The following PRR18 variants were observed in gnomAD, a reference collection of about 807,000 sequenced individuals.
PRR18 encodes the protein proline rich 18, also known as proline-rich protein 18.
For missense variants in PRR18, 517 were observed against 437.4 expected (o/e 1.18, Z -1.62); for synonymous variants, 228 against 220.2 (o/e 1.04, Z -0.32).
rs1355814634 is a variant in PRR18 at position 166,307,527 on chromosome 6, G to C, written c.616C>G (p.Arg206Gly). The C allele has an allele frequency of 9.8e-6, 12 of 1,223,604 alleles. No individual in the cohort carries two copies. The East Asian group carries it at 4.0e-4, about 41-fold the overall frequency. 75.8% of individuals were successfully genotyped at this position (1,223,604 alleles called of 1,614,324 possible). ...DAPPTAGQGR[R>G]APPPGAQLLH... is the part of the protein sequence containing the mutation. ...AGCTGGGCGCCGGGCGGAGGCGCGC[G>C]GCGGCCCTGGCCGGCGGTGGGGGGT... is the stretch of plus-strand genomic sequence containing the variant. The change falls in exon 1 of 1, where the codon CGC (arginine) becomes GGC (glycine). Residue 206 changes from arginine (R) to glycine (G), a missense_variant. Transcript: ENST00000322583.
chr6:166,306,999 C>T lies in PRR18; in HGVS notation c.*256G>A, dbSNP rs889136218. The T allele has an allele frequency of 9.8e-6, 4 of 409,018 alleles. No individual in the cohort carries two copies. Among genetic ancestry groups the T allele is most frequent in the South Asian group, 7.6e-5 (1 of 13,186 alleles). The allele number at this position is 409,018 out of a possible 1,614,324, so 25.3% of individuals were successfully genotyped here. A position where few individuals can be genotyped will look rare whatever the true frequency, so the allele number is the denominator to read the frequency against. ...GAGGAGGCCAGAGTGGGGGCAGAGG[C>T]AGGCATCTGGGGTAGATACCACCGG... is the stretch of plus-strand genomic sequence containing the variant. On this transcript the variant is annotated 3_prime_UTR_variant, in exon 1 of 1. Coordinates refer to ENST00000322583, the MANE Select transcript of PRR18 (RefSeq NM_175922.4).
Position 166,308,373 on chromosome 6 carries a change from C to T in PRR18, c.-231G>A. ...CTCCCGGGACTGGACCCTGCAGGAA[C>T]CGCCTCCCGCCGTCCGACTGTGGGC... On this transcript the variant is annotated 5_prime_UTR_variant, in exon 1 of 1. Transcript: ENST00000322583. The T allele has an allele frequency of 2.7e-6, 1 of 369,688 alleles. No homozygotes were observed. The allele number at this position is 369,688 out of a possible 1,614,324, so 22.9% of individuals were successfully genotyped here.
Position 166,308,125 on chromosome 6 carries a change from CA to C in PRR18, c.17del (p.Met6SerfsTer132). ...CCGGGGCGGGGGCGGGCGGCGGCGG[CA>C]TGGGCGGGAAGGGCATAGTGCAGCC... MPFPP[M>X]PPPPAPAPGA... On this transcript the variant is annotated frameshift_variant, in exon 1 of 1. Coordinates refer to ENST00000322583, the MANE Select transcript of PRR18 (RefSeq NM_175922.4). LOFTEE classifies it low-confidence loss of function (END_TRUNC). The C allele has an allele frequency of 8.1e-7, 1 of 1,230,430 alleles. No individual in the cohort carries two copies. Among genetic ancestry groups the C allele is most frequent in the Non-Finnish European group, 1.0e-6 (1 of 985,548 alleles). The allele number at this position is 1,230,430 out of a possible 1,614,324, so 76.2% of individuals were successfully genotyped here. A position where few individuals can be genotyped will look rare whatever the true frequency, so the allele number is the denominator to read the frequency against.
chr6:166,307,241 C>A lies in PRR18; in HGVS notation c.*14G>T. On this transcript the variant is annotated 3_prime_UTR_variant, in exon 1 of 1. Transcript: ENST00000322583. ...TGGGATCAGGCCTGGCCTGTCCCCG[C>A]AGGCCCGCTGGGCTCACAGCGTGCT... is the stretch of plus-strand genomic sequence containing the variant. The A allele has an allele frequency of 6.9e-7, 1 of 1,449,278 alleles. No individual in the cohort carries two copies. Among genetic ancestry groups the A allele is most frequent in the South Asian group, 1.4e-5 (1 of 69,936 alleles). 89.8% of individuals were successfully genotyped at this position (1,449,278 alleles called of 1,614,324 possible).
In PRR18 at chr6:166,308,340, T is replaced by C; in HGVS notation, c.-198A>G. ...AGGCGCTCCCACCCTCCCCTCCTCC[T>C]GGGGGTGCTCCCGGGACTGGACCCT... is the stretch of plus-strand genomic sequence containing the variant. On this transcript the variant is annotated 5_prime_UTR_variant, in exon 1 of 1. Transcript: ENST00000322583. The C allele has an allele frequency of 2.2e-6, 1 of 445,124 alleles. No individual in the cohort carries two copies. The highest frequency in any genetic ancestry group is 3.6e-6 in the Non-Finnish European group (1 of 275,596). 27.6% of individuals were successfully genotyped at this position (445,124 alleles called of 1,614,324 possible).
Position 166,307,394 on chromosome 6 carries a change from T to C in PRR18, c.749A>G (p.Glu250Gly), listed in dbSNP as rs1472767479. 3.2e-6 allele frequency: 5 copies of C among 1,576,874 alleles called. No homozygotes were observed. Among genetic ancestry groups the C allele is most frequent in the African/African-American group, 1.4e-5 (1 of 71,756 alleles). ...LNERHRYDDV[E>G]YEEEPEAVDE... ...CACCGCCTCTGGCTCCTCCTCGTAC[T>C]CCACGTCGTCGTACCTGTGCCGCTC... Residue 250 changes from glutamate to glycine, a missense_variant, in exon 1 of 1, where the codon GAG becomes GGG. Physicochemically the swap from Glu to Gly is moderately conservative, Grantham distance 98 (BLOSUM62 -2). Transcript: ENST00000322583.
rs944947813 is a variant in PRR18, at chr6:166,308,207, C to T, written c.-65G>A. The T allele has an allele frequency of 7.4e-6, 9 of 1,221,982 alleles. No individual in the cohort carries two copies. The highest frequency in any genetic ancestry group is 7.1e-6 in the Non-Finnish European group (7 of 979,204). The allele number at this position is 1,221,982 out of a possible 1,614,324, so 75.7% of individuals were successfully genotyped here. A position where few individuals can be genotyped will look rare whatever the true frequency, so the allele number is the denominator to read the frequency against. On this transcript the variant is annotated 5_prime_UTR_variant, in exon 1 of 1. Coordinates refer to ENST00000322583, the MANE Select transcript of PRR18 (RefSeq NM_175922.4). ...GAGGCGGGCGCTCAGCCACTGTGCGCGGAGCGGGTCCCCGCAGTCCGGGCG... is the reference window on the plus strand; with the variant it reads ...GAGGCGGGCGCTCAGCCACTGTGCGTGGAGCGGGTCCCCGCAGTCCGGGCG...
rs1341996213 is a variant in PRR18, at chr6:166,307,964, C to A, written c.179G>T (p.Arg60Leu). Residue 60 changes from arginine to leucine, a missense_variant, in exon 1 of 1, where the codon CGC (arginine) becomes CTC (leucine). Coordinates refer to ENST00000322583, the MANE Select transcript of PRR18 (RefSeq NM_175922.4). The part of the protein sequence containing the change: ...SATLKRPPAR[R>L]GPGLDRTQPP... ...CTGCGTCCTGTCCAGGCCGGGGCCGCGCCGGGCCGGCGGCCTCTTGAGCGT... is the reference window on the plus strand; with the variant it reads ...CTGCGTCCTGTCCAGGCCGGGGCCGAGCCGGGCCGGCGGCCTCTTGAGCGT... 1.6e-6 allele frequency: 2 copies of A among 1,232,636 alleles called. No homozygotes were observed. The highest frequency in any genetic ancestry group is 6.5e-5 in the East Asian group (2 of 30,926). 76.4% of individuals were successfully genotyped at this position (1,232,636 alleles called of 1,614,324 possible).
rs756557275 is a variant in PRR18 at position 166,307,451 on chromosome 6, A to AGGGCCCCGGGCCGCG, written c.677_691dup (p.Pro226_Ala230dup). 1.9e-6 allele frequency: 3 copies of AGGGCCCCGGGCCGCG among 1,540,650 alleles called. No individual in the cohort carries two copies. The highest frequency in any genetic ancestry group is 2.6e-6 in the Non-Finnish European group (3 of 1,152,820). ...CAGCGACACCTTGAGCATCGGCCGC[A>AGGGCCCCGGGCCGCG]GGGCCCCGGGCCGCGGGCTGAGCTG... On this transcript the variant is annotated inframe_insertion, in exon 1 of 1. Coordinates refer to ENST00000322583, the MANE Select transcript of PRR18 (RefSeq NM_175922.4).
chr6:166,307,933 C>A lies in PRR18; in HGVS notation c.210G>T (p.Pro70=). Residue 70 remains proline (P), a synonymous_variant, in exon 1 of 1, where the codon CCG becomes CCT. Coordinates refer to ENST00000322583, the MANE Select transcript of PRR18 (RefSeq NM_175922.4). ...RGPGLDRTQP[P]APPGVSPQAL... ...CCTGGGGGGAGACGCCCGGAGGGGC[C>A]GGCGGCTGCGTCCTGTCCAGGCCGG... is the stretch of plus-strand genomic sequence containing the variant. 8.2e-7 allele frequency: 1 copy of A among 1,226,774 alleles called. No homozygotes were observed. Among genetic ancestry groups the A allele is most frequent in the Non-Finnish European group, 1.0e-6 (1 of 981,310 alleles). 76.0% of individuals were successfully genotyped at this position (1,226,774 alleles called of 1,614,324 possible).
In PRR18 at chr6:166,306,099, T is replaced by C. The variant is rs1279724203; in HGVS notation, c.*1156A>G. ...GTAGGTTTTTTTCTGTTTTTGCAAC[T>C]CATCTGGCAGCTGACCTAGCTCCCA... On this transcript the variant is annotated 3_prime_UTR_variant, in exon 1 of 1. Transcript: ENST00000322583. The C allele has an allele frequency of 6.6e-6, 1 of 152,182 alleles. No homozygotes were observed. Among genetic ancestry groups the C allele is most frequent in the Non-Finnish European group, 1.5e-5 (1 of 68,036 alleles). 9.4% of individuals were successfully genotyped at this position (152,182 alleles called of 1,614,324 possible). A position where few individuals can be genotyped will look rare whatever the true frequency, so the allele number is the denominator to read the frequency against.
chr6:166,308,082 G>C lies in PRR18; in HGVS notation c.61C>G (p.Gln21Glu), dbSNP rs888243681. The part of the protein sequence containing the change: ...APAPGAQAAR[Q>E]LPRRPCAAGD... Reference sequence around the variant, plus strand: ...GCGGCGCAGGGCCTCCGGGGTAACTGGCGCGCGGCTTGGGCCCCCGGGGCG... The same window carrying C: ...GCGGCGCAGGGCCTCCGGGGTAACTCGCGCGCGGCTTGGGCCCCCGGGGCG... The change falls in exon 1 of 1, where the codon CAG (glutamine) becomes GAG (glutamate). Residue 21 changes from glutamine to glutamate, a missense_variant. Transcript: ENST00000322583. 2 of 1,235,932 alleles carry C rather than the reference G, an allele frequency of 1.6e-6. No homozygotes were observed. The highest frequency in any genetic ancestry group is 3.1e-5 in the African/African-American group (2 of 64,202). 76.6% of individuals were successfully genotyped at this position (1,235,932 alleles called of 1,614,324 possible). A position where few individuals can be genotyped will look rare whatever the true frequency, so the allele number is the denominator to read the frequency against.
At position 166,307,178 on chromosome 6, in the gene PRR18, A is replaced by C; in HGVS notation, c.*77T>G. The C allele has an allele frequency of 7.8e-7, 1 of 1,289,304 alleles. No homozygotes were observed. The highest frequency in any genetic ancestry group is 9.9e-7 in the Non-Finnish European group (1 of 1,005,812). The allele number at this position is 1,289,304 out of a possible 1,614,324, so 79.9% of individuals were successfully genotyped here. ...CCAGAGGAGCCTGCGGTCTCCCCCG[A>C]GGGCCCCTAGGCGGAGTGGCGCGTG... is the stretch of plus-strand genomic sequence containing the variant. On this transcript the variant is annotated 3_prime_UTR_variant, in exon 1 of 1. Transcript: ENST00000322583.
rs1778090590 is a variant in PRR18 at position 166,306,062 on chromosome 6, G to A, written c.*1193C>T. The A allele has an allele frequency of 6.6e-6, 1 of 152,192 alleles. No individual in the cohort carries two copies. The allele number at this position is 152,192 out of a possible 1,614,324, so 9.4% of individuals were successfully genotyped here. A position where few individuals can be genotyped will look rare whatever the true frequency, so the allele number is the denominator to read the frequency against. ...AAAACTTATCTCCAAATTCAAAGAAGTTATTCAATGGGTAGGTTTTTTTCT... is the reference window on the plus strand; with the variant it reads ...AAAACTTATCTCCAAATTCAAAGAAATTATTCAATGGGTAGGTTTTTTTCT... On this transcript the variant is annotated 3_prime_UTR_variant, in exon 1 of 1. Transcript: ENST00000322583.
In PRR18 at chr6:166,306,399, A is replaced by C. The variant is rs1463737369; in HGVS notation, c.*856T>G. 1 of 152,270 alleles carries C rather than the reference A, an allele frequency of 6.6e-6. No homozygotes were observed. Among genetic ancestry groups the C allele is most frequent in the Admixed American group, 6.5e-5 (1 of 15,288 alleles). The allele number at this position is 152,270 out of a possible 1,614,324, so 9.4% of individuals were successfully genotyped here. The stretch of plus-strand genomic sequence containing the variant: ...TTTATAACCAGCCTTATCTGATTAT[A>C]ACATTTTATTTCCTTCTCATCCTTC... On this transcript the variant is annotated 3_prime_UTR_variant, in exon 1 of 1. Coordinates refer to ENST00000322583, the MANE Select transcript of PRR18 (RefSeq NM_175922.4).
chr6:166,307,924 C>G lies in PRR18; in HGVS notation c.219G>C (p.Pro73=), dbSNP rs1474726017. The G allele has an allele frequency of 8.2e-6, 10 of 1,224,686 alleles. No homozygotes were observed. The highest frequency in any genetic ancestry group is 4.7e-5 in the African/African-American group (3 of 63,528). 75.9% of individuals were successfully genotyped at this position (1,224,686 alleles called of 1,614,324 possible). A position where few individuals can be genotyped will look rare whatever the true frequency, so the allele number is the denominator to read the frequency against. Residue 73 remains proline, a synonymous_variant, in exon 1 of 1, where the codon CCG becomes CCC. Transcript: ENST00000322583. ...TGGGCAAGGCCTGGGGGGAGACGCC[C>G]GGAGGGGCCGGCGGCTGCGTCCTGT... ...GLDRTQPPAP[P]GVSPQALPSR...
At position 166,307,277 on chromosome 6, in the gene PRR18, C is replaced by T; in HGVS notation, c.866G>A (p.Arg289Gln). 2 of 1,514,318 alleles carry T rather than the reference C, an allele frequency of 1.3e-6. No homozygotes were observed. The highest frequency in any genetic ancestry group is 1.8e-6 in the Non-Finnish European group (2 of 1,139,120). 93.8% of individuals were successfully genotyped at this position (1,514,318 alleles called of 1,614,324 possible). A position where few individuals can be genotyped will look rare whatever the true frequency, so the allele number is the denominator to read the frequency against. Residue 289 changes from arginine to glutamine, a missense_variant, in exon 1 of 1, where the codon CGG becomes CAG. By Grantham distance (43) the Arg-to-Gln change is conservative. Transcript: ENST00000322583. ...ARGRAGALDSRRHLSTL is the reference protein window; with the variant it reads ...ARGRAGALDSQRHLSTL ...GGCTCACAGCGTGCTCAGGTGCCGC[C>T]GTGAGTCCAGGGCCCCCGCCCGGCC...
At position 166,308,200 on chromosome 6, in the gene PRR18, CTG is replaced by C; in HGVS notation, c.-60_-59del. 8.2e-7 allele frequency: 1 copy of C among 1,225,284 alleles called. No individual in the cohort carries two copies. Among genetic ancestry groups the C allele is most frequent in the Non-Finnish European group, 1.0e-6 (1 of 981,882 alleles). 75.9% of individuals were successfully genotyped at this position (1,225,284 alleles called of 1,614,324 possible). On this transcript the variant is annotated 5_prime_UTR_variant, in exon 1 of 1. Transcript: ENST00000322583. ...GGAAAGAGAGGCGGGCGCTCAGCCA[CTG>C]TGCGCGGAGCGGGTCCCCGCAGTCC...
Position 166,308,193 on chromosome 6 carries a change from T to C in PRR18, c.-51A>G. ...AGCCCCTGGAAAGAGAGGCGGGCGC[T>C]CAGCCACTGTGCGCGGAGCGGGTCC... On this transcript the variant is annotated 5_prime_UTR_variant, in exon 1 of 1. Coordinates refer to ENST00000322583, the MANE Select transcript of PRR18 (RefSeq NM_175922.4). 1 of 1,225,926 alleles carries C rather than the reference T, an allele frequency of 8.2e-7. No homozygotes were observed. Among genetic ancestry groups the C allele is most frequent in the Non-Finnish European group, 1.0e-6 (1 of 982,634 alleles). The allele number at this position is 1,225,926 out of a possible 1,614,324, so 75.9% of individuals were successfully genotyped here.
Sources: allele counts gnomAD v4.1 joint callset, GRCh38; gene constraint gnomAD v4.1.1; transcripts MANE v1.5; gene names NCBI Gene and HGNC (gene_info 2026-07-23, HGNC 2026-07-21).